Variants in CMBL observed in about 807,000 individuals in gnomAD.
The protein encoded by CMBL is carboxymethylenebutenolidase homolog.
CMBL carries 17 observed loss-of-function variants against 28.7 expected under a neutral mutation model. That is an observed-to-expected ratio of 0.59 (90% CI 0.41 to 0.89). The LOEUF (loss-of-function observed/expected upper bound fraction) is 0.89, where lower values mean the gene tolerates loss of function less well. CMBL is among the 40% of genes least tolerant of loss of function. CMBL has a pLI of 0.00. For synonymous variants in CMBL, 106 were observed against 101.6 expected (o/e 1.04, Z -0.26); for missense variants, 310 against 298.5 (o/e 1.04, Z -0.28).
intron 1 of CMBL, among the ~76,000 whole-genome samples, chr5:10,304,999 G>T (rs543195125): frequency 6.6e-6 from 1 of 152,310 alleles, no homozygotes; most frequent in Middle Eastern, 3.4e-3. Context: ...GAGTAAGAAG[G>T]TTTCCTTTTC....
At chr5:10,282,592 G>C (rs1277238781) in intron 4 of CMBL, among the ~76,000 whole-genome samples, 1 of 151,944 alleles carries the variant, frequency 6.6e-6, no homozygotes, top group Non-Finnish European at 1.5e-5. Flanking sequence ...AGAGCAGCCT[G>C]GGTAACATCG....
intron 1 of CMBL, among the ~76,000 whole-genome samples, chr5:10,300,236 G>T (rs1026846460): frequency 6.7e-6 from 1 of 150,068 alleles, no homozygotes; most frequent in African/African-American, 2.5e-5. Flanking sequence ...GTGGAGATGG[G>T]AAGGATGCAC....
chr5:10,296,935 A>C (rs1746819956), intron 1 of CMBL, among the ~76,000 whole-genome samples: 1 of 152,218 alleles, frequency 6.6e-6, no homozygotes, highest in South Asian at 2.1e-4. Context: ...CTGTAATCCC[A>C]GCACTTTAAG....
chr5:10,300,826 T>C (rs1746886470), intron 1 of CMBL, among the ~76,000 whole-genome samples: 1 of 147,610 alleles, frequency 6.8e-6, no homozygotes, highest in Non-Finnish European at 1.5e-5. Context: ...TTATTTTTTA[T>C]ATATTTATTT....
chr5:10,290,195 T>C (rs886233089), intron 2 of CMBL, among the ~76,000 whole-genome samples: 6 of 152,190 alleles, frequency 3.9e-5, no homozygotes, highest in African/African-American at 1.4e-4. Flanking sequence ...GCTGAGCTGT[T>C]GAAGGACCGA....
intron 1 of CMBL, among the ~76,000 whole-genome samples, chr5:10,298,621 G>A (rs1274909002): frequency 1.3e-5 from 2 of 152,182 alleles, no homozygotes; most frequent in South Asian, 2.1e-4. Context: ...GGCTGAGTGC[G>A]GTGGCTCACA....
intron 4 of CMBL, among the ~76,000 whole-genome samples, chr5:10,282,970 A>G (rs1388228240): frequency 6.6e-6 from 1 of 151,708 alleles, no homozygotes; most frequent in Non-Finnish European, 1.5e-5. Flanking sequence ...CGCGCCTGCA[A>G]TCTCAGCTAC....
rs180675597 is a variant in CMBL at position 10,289,840 on chromosome 5, G to T, written c.215+708C>A. Among the ~76,000 whole-genome samples the T allele has an allele frequency of 3.3e-3, 502 of 152,266 alleles. 2 individuals are homozygous for T. Among genetic ancestry groups the T allele is most frequent in the African/African-American group, 0.011 (464 of 41,554 alleles). ...AGAAAAACAAGGTAGGCTCATCCTC[G>T]GGTTTCCAGCTTCTCCTTCTGTGAA... On this transcript the variant is annotated intron_variant, in intron 2 of 5. Coordinates refer to ENST00000296658, the MANE Select transcript of CMBL (RefSeq NM_138809.4). The surrounding 1 kb of genome is among the most constrained non-coding windows in gnomAD (Gnocchi z 4.3).
chr5:10,288,895 G>A (rs1746654716), intron 2 of CMBL, among the ~76,000 whole-genome samples: 1 of 152,214 alleles, frequency 6.6e-6, no homozygotes, highest in South Asian at 2.1e-4. Context: ...CCAGCCTGGG[G>A]AGACTCCTGG....
chr5:10,304,265 A>G (rs992556692), intron 1 of CMBL, among the ~76,000 whole-genome samples: 6 of 152,014 alleles, frequency 3.9e-5, no homozygotes, highest in Admixed American at 2.0e-4. Context: ...GCCTTTTAGG[A>G]GGCTGAGCTA....
In CMBL at chr5:10,280,131, G is replaced by T. The variant is rs896939575; in HGVS notation, c.*322C>A. 9 of 181,274 alleles carry T rather than the reference G, an allele frequency of 5.0e-5. No individual in the cohort carries two copies. The highest frequency in any genetic ancestry group is 2.7e-3 in the Middle Eastern group (1 of 374). The allele number at this position is 181,274 out of a possible 1,614,324, so 11.2% of individuals were successfully genotyped here. ...TTTTTGTATTTTTTGTAGAGATGGG[G>T]TCTCACCATGTTGGCCAGGCTGGTC... On this transcript the variant is annotated 3_prime_UTR_variant, in exon 6 of 6. Transcript: ENST00000296658.
rs60633941 is a variant in CMBL at position 10,282,392 on chromosome 5, C to G, written c.467-104G>C. ...CCCACACTCATGCCACAGAAAACTG[C>G]AACATTTGGGTTTGATTTTTCAAAG... On this transcript the variant is annotated intron_variant, in intron 4 of 5. Coordinates refer to ENST00000296658, the MANE Select transcript of CMBL (RefSeq NM_138809.4). 0.013 allele frequency: 9,005 copies of G among 669,016 alleles called. 578 individuals are homozygous for G. In the African/African-American group the frequency reaches 0.14, roughly 11 times the overall value. The allele number at this position is 669,016 out of a possible 1,614,324, so 41.4% of individuals were successfully genotyped here. A position where few individuals can be genotyped will look rare whatever the true frequency, so the allele number is the denominator to read the frequency against.
At chr5:10,295,679 A>T (rs901734040) in intron 1 of CMBL, among the ~76,000 whole-genome samples, 26 of 152,182 alleles carry the variant, frequency 1.7e-4, no homozygotes, top group African/African-American at 6.3e-4. Flanking sequence ...CAGCCAGAAG[A>T]TGACCATCTG....
At chr5:10,285,939 T>A (rs1746592299) in intron 4 of CMBL, among the ~76,000 whole-genome samples, 1 of 152,122 alleles carries the variant, frequency 6.6e-6, no homozygotes, top group South Asian at 2.1e-4. Context: ...GCTCAAGTGA[T>A]CTGCCTGCCT....
chr5:10,307,221 G>C (rs2126568104), intron 1 of CMBL: 1 of 152,294 alleles, frequency 6.6e-6, no homozygotes, highest in Admixed American at 6.5e-5. Flanking sequence ...TTTTATATTA[G>C]TAAAAACGCT....
Position 10,286,510 on chromosome 5 carries a change from A to C in CMBL, c.324-14T>G. 6.2e-7 allele frequency: 1 copy of C among 1,608,980 alleles called. No individual in the cohort carries two copies. The highest frequency in any genetic ancestry group is 8.5e-7 in the Non-Finnish European group (1 of 1,177,114). Reference sequence around the variant, plus strand: ...GCACTGATCTCTCTAGAACAGAAAGAAAAAATATTCAAGAATCAGGCTTAT... The same window carrying C: ...GCACTGATCTCTCTAGAACAGAAAGCAAAAATATTCAAGAATCAGGCTTAT... On this transcript the variant is annotated splice_polypyrimidine_tract_variant and intron_variant, in intron 3 of 5. Transcript: ENST00000296658.
chr5:10,297,992 G>A (rs895184526), intron 1 of CMBL, among the ~76,000 whole-genome samples: 1 of 152,140 alleles, frequency 6.6e-6, no homozygotes, highest in Non-Finnish European at 1.5e-5. Flanking sequence ...AGGAAAACAG[G>A]GGACCAGCGA....
At chr5:10,291,260 T>C (rs1057373754) in intron 1 of CMBL, among the ~76,000 whole-genome samples, 1 of 152,200 alleles carries the variant, frequency 6.6e-6, no homozygotes, top group Non-Finnish European at 1.5e-5. Context: ...CAAAGGTTCA[T>C]GTCTCACGGA....
At chr5:10,290,120 G>A (rs756477878) in intron 2 of CMBL, among the ~76,000 whole-genome samples, 6 of 152,236 alleles carry the variant, frequency 3.9e-5, no homozygotes, top group Non-Finnish European at 8.8e-5. Context: ...ACGACCGTAC[G>A]TGTATGGACC....
Sources: allele counts gnomAD v4.1 joint callset (sites outside exome capture counted in the v4.1 genomes callset), GRCh38; gene constraint gnomAD v4.1.1; non-coding constraint Gnocchi (gnomAD v3.1); transcripts MANE v1.5; gene names NCBI Gene and HGNC (gene_info 2026-07-23, HGNC 2026-07-21).